PID1: variants seen among roughly 807,000 people sequenced by gnomAD.
The protein encoded by PID1 is phosphotyrosine interaction domain containing 1, also known as PTB-containing, cubilin and LRP1-interacting protein.
Under a neutral mutation model 19.1 loss-of-function variants are expected in PID1, and 10 were observed. The observed-to-expected ratio is 0.52, with a 90% CI of 0.32 to 0.89. PID1 has a LOEUF of 0.89. PID1 is among the 40% of genes least tolerant of loss of function. The pLI, the probability that PID1 is intolerant of heterozygous loss-of-function variation, is 0.03. For synonymous variants in PID1, 130 were observed against 116.0 expected (o/e 1.12, Z -0.78); for missense variants, 248 against 285.3 (o/e 0.87, Z 0.94).
Position 229,135,657 on chromosome 2 carries a change from C to T in PID1, c.177+20161G>A, listed in dbSNP as rs1469851295. Among the ~76,000 whole-genome samples, 3 of 152,242 alleles carry T rather than the reference C, an allele frequency of 2.0e-5. No homozygotes were observed. The East Asian group carries it at 5.8e-4, about 29-fold the overall frequency. On this transcript the variant is annotated intron_variant, in intron 2 of 2. Transcript: ENST00000392055. ...GCTATAGAAAAACCACTGTTCAGTA[C>T]ATCCAGTTATCCAAAACAGCGCTGG...
At chr2:229,041,180 A>AT (rs1177682346) in intron 2 of PID1, among the ~76,000 whole-genome samples, 2 of 152,204 alleles carry the variant, frequency 1.3e-5, no homozygotes, top group East Asian at 3.9e-4. Flanking sequence ...AAAAGAAGCC[A>AT]TCCCTACTCA....
At chr2:229,200,522 T>C (rs771385686) in intron 1 of PID1, among the ~76,000 whole-genome samples, 1 of 151,976 alleles carries the variant, frequency 6.6e-6, no homozygotes, top group Non-Finnish European at 1.5e-5. Context: ...GGTAGCATAA[T>C]TGTGAGCAAC....
chr2:229,080,653 T>A (rs931327108), intron 2 of PID1, among the ~76,000 whole-genome samples: 2 of 152,226 alleles, frequency 1.3e-5, no homozygotes, highest in African/African-American at 4.8e-5. Context: ...AGAAGTCACA[T>A]CCTATTCATC....
At chr2:229,116,064 A>G (rs903974797) in intron 2 of PID1, among the ~76,000 whole-genome samples, 4 of 152,190 alleles carry the variant, frequency 2.6e-5, no homozygotes, top group African/African-American at 9.6e-5. Flanking sequence ...TCTACTAAAA[A>G]TACAAAAAAA....
At chr2:229,139,147 A>AAGAAAGCAAGCGAGCG (rs1559251965) in intron 2 of PID1, among the ~76,000 whole-genome samples, 2 of 127,240 alleles carry the variant, frequency 1.6e-5, no homozygotes, top group Non-Finnish European at 3.4e-5. Context: ...GAAAGAAAGA[A>AAGAAAGCAAGCGAGCG]AGCAAGCGAG....
chr2:229,153,241 T>G (rs1210517917), intron 2 of PID1, among the ~76,000 whole-genome samples: 1 of 152,246 alleles, frequency 6.6e-6, no homozygotes, highest in African/African-American at 2.4e-5. Context: ...CAGTCAAAAC[T>G]TAAGTGTATT....
chr2:229,185,567 A>G (rs1691111317), intron 1 of PID1, among the ~76,000 whole-genome samples: 1 of 152,216 alleles, frequency 6.6e-6, no homozygotes, highest in African/African-American at 2.4e-5. Flanking sequence ...AGTAAGTCAC[A>G]TCTTACATGA....
chr2:229,139,043 A>AGAG (rs1553565683), intron 2 of PID1, among the ~76,000 whole-genome samples: 6 of 63,562 alleles, frequency 9.4e-5, no homozygotes, highest in African/African-American at 3.3e-4. Context: ...AAGAAAGAGA[A>AGAG]AGAAAGAAAG....
chr2:229,061,740 G>A (rs939847682), intron 2 of PID1, among the ~76,000 whole-genome samples: 2 of 151,842 alleles, frequency 1.3e-5, no homozygotes, highest in African/African-American at 4.8e-5. Flanking sequence ...CAATCCATAA[G>A]CAAAAGAGAA....
At chr2:229,163,541 G>A (rs1180726791) in intron 1 of PID1, among the ~76,000 whole-genome samples, 1 of 151,460 alleles carries the variant, frequency 6.6e-6, no homozygotes, top group Non-Finnish European at 1.5e-5. Context: ...AAGTGATTAT[G>A]TGGGAGAGGA....
rs59530496 is a variant in PID1 at position 229,253,591 on chromosome 2, CAAAAAAAA to C, written c.30+17415_30+17422del. ...GTATGTGCTTAAAAGAAATTCCAAG[CAAAAAAAA>C]AAAAAAAAAAATTGCACCCTTTCTC... On this transcript the variant is annotated intron_variant, in intron 1 of 2. Transcript: ENST00000392055. 6.2e-5 allele frequency among the ~76,000 whole-genome samples: 8 copies of C among 128,488 alleles called. No individual in the cohort carries two copies. In the East Asian group the frequency reaches 9.1e-4, roughly 15 times the overall value. The allele number at this position is 128,488 out of a possible 152,430, so 84.3% of individuals were successfully genotyped here.
chr2:229,224,596 T>C (rs1162522824), intron 1 of PID1, among the ~76,000 whole-genome samples: 3 of 152,192 alleles, frequency 2.0e-5, no homozygotes, highest in Non-Finnish European at 2.9e-5. Context: ...ATCTATTATT[T>C]ATTCACTTCT....
chr2:229,162,362 T>C (rs996988170), intron 1 of PID1, among the ~76,000 whole-genome samples: 2 of 152,256 alleles, frequency 1.3e-5, no homozygotes, highest in African/African-American at 4.8e-5. Context: ...ACCTTTGTAT[T>C]GATTTTGTAT....
chr2:229,173,972 A>G (rs1690761919), intron 1 of PID1, among the ~76,000 whole-genome samples: 1 of 151,768 alleles, frequency 6.6e-6, no homozygotes, highest in Admixed American at 6.6e-5. Context: ...CACTTACCTC[A>G]CTCCTGAGAG....
intron 2 of PID1, among the ~76,000 whole-genome samples, chr2:229,099,434 C>T (rs893245324): frequency 6.6e-6 from 1 of 152,138 alleles, no homozygotes; most frequent in South Asian, 2.1e-4. Flanking sequence ...GAAGGCAGGG[C>T]ACCAACAGCT....
chr2:229,251,944 TAAA>T (rs11284650), intron 1 of PID1, among the ~76,000 whole-genome samples: 62 of 71,440 alleles, frequency 8.7e-4, no homozygotes, highest in African/African-American at 2.3e-3. Context: ...AACCATAAGC[TAAA>T]AAAAAAAAAA....
intron 1 of PID1, among the ~76,000 whole-genome samples, chr2:229,240,851 C>T (rs1021490554): frequency 2.0e-5 from 3 of 152,052 alleles, no homozygotes; most frequent in Non-Finnish European, 4.4e-5. Context: ...TCACATGTAT[C>T]TTATATTGCT....
intron 2 of PID1, among the ~76,000 whole-genome samples, chr2:229,124,555 C>A (rs1166195390): frequency 6.6e-6 from 1 of 152,070 alleles, no homozygotes; most frequent in Non-Finnish European, 1.5e-5. Context: ...AAATTAAAGT[C>A]TTTTTCTCAC....
chr2:229,241,385 C>T (rs1209119343), intron 1 of PID1, among the ~76,000 whole-genome samples: 2 of 152,068 alleles, frequency 1.3e-5, no homozygotes, highest in Non-Finnish European at 2.9e-5. Context: ...CATGTGGAGG[C>T]TTGACTTTTA....
Sources: allele counts gnomAD v4.1 joint callset (sites outside exome capture counted in the v4.1 genomes callset), GRCh38; gene constraint gnomAD v4.1.1; transcripts MANE v1.5; gene names NCBI Gene and HGNC (gene_info 2026-07-23, HGNC 2026-07-21).